Variants in SRGAP2 observed in about 807,000 individuals in gnomAD.
SRGAP2 encodes the protein SLIT-ROBO Rho GTPase-activating protein 2.
SRGAP2 carries 15 observed loss-of-function variants against 57.2 expected under a neutral mutation model. The ratio of observed to expected loss-of-function variants is 0.26; its 90% CI spans 0.18 to 0.40. The LOEUF (loss-of-function observed/expected upper bound fraction) is 0.40. Ranked by LOEUF, SRGAP2 falls within the 10% of genes least tolerant of loss-of-function variation. The probability of loss-of-function intolerance (pLI) is 1.00; values close to 1 mark genes in which losing one functional copy is unlikely to be tolerated. For synonymous variants in SRGAP2, 249 were observed against 248.0 expected (o/e 1.00, Z -0.04); for missense variants, 520 against 669.6 (o/e 0.78, Z 2.47).
intron 14 of SRGAP2, among the ~76,000 whole-genome samples, chr1:206,432,542 G>C (rs782578887): frequency 6.6e-6 from 1 of 152,164 alleles, no homozygotes; most frequent in Non-Finnish European, 1.5e-5. Flanking sequence ...ATACATAGAG[G>C]AGTGGTTGAA....
intron 2 of SRGAP2, among the ~76,000 whole-genome samples, chr1:206,259,949 T>G (rs1421411189): frequency 7.1e-5 from 4 of 55,970 alleles, no homozygotes; most frequent in African/African-American, 3.0e-4. Context: ...GTCTTAAAAC[T>G]GGATGCAAAT....
At chr1:206,324,356 G>A (rs1388143054) in intron 3 of SRGAP2, among the ~76,000 whole-genome samples, 2 of 152,144 alleles carry the variant, frequency 1.3e-5, no homozygotes, top group South Asian at 2.1e-4. Flanking sequence ...ATGGGACTGT[G>A]TTGATAATCA....
intron 17 of SRGAP2, among the ~76,000 whole-genome samples, chr1:206,442,300 C>T (rs1341398260): frequency 1.3e-5 from 2 of 152,240 alleles, no homozygotes; most frequent in East Asian, 1.9e-4. Context: ...TTGGGTTGAA[C>T]ACCCCAGTGA....
chr1:206,217,294 A>C (rs553873186), intron 2 of SRGAP2, among the ~76,000 whole-genome samples: 1 of 151,732 alleles, frequency 6.6e-6, no homozygotes, highest in African/African-American at 2.4e-5. Context: ...TGACTGAGGT[A>C]CCTATTCTGG....
intron 10 of SRGAP2, among the ~76,000 whole-genome samples, chr1:206,409,974 G>A (rs1659063117): frequency 6.6e-6 from 1 of 151,818 alleles, no homozygotes; most frequent in Non-Finnish European, 1.5e-5. Flanking sequence ...GGTGGCGCAT[G>A]CCTGTAATCC....
intron 10 of SRGAP2, among the ~76,000 whole-genome samples, chr1:206,412,117 T>C (rs1276893245): frequency 6.6e-6 from 1 of 152,244 alleles, no homozygotes; most frequent in Non-Finnish European, 1.5e-5. Flanking sequence ...TTCCAACTCA[T>C]GCTTTTTCAT....
At chr1:206,295,580 G>T (rs1258816097) in intron 2 of SRGAP2, among the ~76,000 whole-genome samples, 1 of 150,542 alleles carries the variant, frequency 6.6e-6, no homozygotes, top group Non-Finnish European at 1.5e-5. Context: ...ATAGTAATGG[G>T]ATTCCCCACT....
chr1:206,397,800 G>T (rs1439255221), intron 7 of SRGAP2, among the ~76,000 whole-genome samples: 4 of 131,192 alleles, frequency 3.0e-5, no homozygotes, highest in Non-Finnish European at 6.3e-5. Flanking sequence ...CTGGAGTGTT[G>T]TAAGTGCCGT....
At chr1:206,447,611 T>G (rs1364401658) in intron 18 of SRGAP2, among the ~76,000 whole-genome samples, 1 of 152,198 alleles carries the variant, frequency 6.6e-6, no homozygotes, top group Non-Finnish European at 1.5e-5. Flanking sequence ...GGTCTCAGCC[T>G]ACTGGATGAT....
chr1:206,313,604 G>A (rs1357667258), intron 3 of SRGAP2, among the ~76,000 whole-genome samples: 1 of 152,170 alleles, frequency 6.6e-6, no homozygotes, highest in African/African-American at 2.4e-5. Flanking sequence ...AGATGGGTTT[G>A]TATTGTGGAG....
intron 4 of SRGAP2, among the ~76,000 whole-genome samples, chr1:206,371,748 A>C: frequency 1.1e-5 from 1 of 88,650 alleles, no homozygotes; most frequent in Non-Finnish European, 2.0e-5. Context: ...AAAAAGAAAA[A>C]AAATATAGAT....
Position 206,455,001 on chromosome 1 carries a change from T to C in SRGAP2, c.2484T>C (p.Asp828=). Residue 828 remains aspartate (D), a synonymous_variant, in exon 21 of 23, where the codon GAT becomes GAC. Coordinates refer to ENST00000573034, the MANE Select transcript of SRGAP2 (RefSeq NM_015326.5). ...ASCPSGGHVA[D]IYLANINKQR... ...GTCCCAGTGGGGGTCATGTAGCCGA[T>C]ATTTATCTTGCAAACATCAACAAGT... 1 of 780,936 alleles carries C rather than the reference T, an allele frequency of 1.3e-6. No homozygotes were observed. Among genetic ancestry groups the C allele is most frequent in the South Asian group, 1.3e-5 (1 of 74,628 alleles). 48.4% of individuals were successfully genotyped at this position (780,936 alleles called of 1,614,324 possible).
chr1:206,403,662 G>GCC (rs1658403881), intron 8 of SRGAP2, among the ~76,000 whole-genome samples: 1 of 124,012 alleles, frequency 8.1e-6, no homozygotes, highest in Admixed American at 8.0e-5. Context: ...TTCTGCCAGG[G>GCC]CCCTCCCTTT....
chr1:206,382,573 T>TA (rs1655801208), intron 4 of SRGAP2, among the ~76,000 whole-genome samples: 1 of 151,682 alleles, frequency 6.6e-6, no homozygotes, highest in Admixed American at 6.6e-5. Flanking sequence ...TAACAACACT[T>TA]AGAGTGGTGA....
intron 2 of SRGAP2, among the ~76,000 whole-genome samples, chr1:206,250,054 G>A (rs1668745233): frequency 6.8e-6 from 1 of 147,368 alleles, no homozygotes; most frequent in Non-Finnish European, 1.5e-5. Context: ...GTGTAGGGAG[G>A]GACATGGTCA....
At chr1:206,419,548 C>T (rs1660110071) in intron 12 of SRGAP2, 148 bp downstream of exon 12, 1 of 664,052 alleles carries the variant, frequency 1.5e-6, no homozygotes, top group South Asian at 1.7e-5. Context: ...GTTTACTTCC[C>T]TTTGCCTTAC....
chr1:206,307,840 A>G (rs1672347392), intron 3 of SRGAP2, among the ~76,000 whole-genome samples: 2 of 151,638 alleles, frequency 1.3e-5, no homozygotes, highest in African/African-American at 2.4e-5. Flanking sequence ...CTCTCCCTCC[A>G]CACCTCCCTG....
intron 3 of SRGAP2, among the ~76,000 whole-genome samples, chr1:206,330,149 A>T (rs1412037882): frequency 0.013 from 531 of 42,328 alleles, 9 homozygotes; most frequent in African/African-American, 0.049. Context: ...CATCCCAGGG[A>T]TGAAGCCCAC....
chr1:206,342,697 GAGAAAACTAGAGA>G (rs1392108659), intron 3 of SRGAP2, 136 bp from the exon 4 acceptor site: 2 of 551,632 alleles, frequency 3.6e-6, no homozygotes, highest in African/African-American at 1.9e-5. Context: ...TTTAGAAAAG[GAGAAAACTAGAGA>G]GGTGAGCTTC....
Sources: allele counts gnomAD v4.1 joint callset (sites outside exome capture counted in the v4.1 genomes callset), GRCh38; gene constraint gnomAD v4.1.1; transcripts MANE v1.5; gene names NCBI Gene and HGNC (gene_info 2026-07-23, HGNC 2026-07-21).